Variants in GUCY2D observed in about 807,000 individuals in gnomAD.
The protein encoded by GUCY2D is guanylate cyclase 2D, retinal.
In GUCY2D, 70 loss-of-function variants were observed where a neutral mutation model predicts 101.3. The observed-to-expected ratio is 0.69, with a 90% CI of 0.57 to 0.84. The LOEUF is 0.84. Among genes scored for constraint, GUCY2D ranks in the 40% least tolerant of loss-of-function variants. The pLI is 0.00. For missense variants in GUCY2D, 1,460 were observed against 1,542.5 expected, an observed-to-expected ratio of 0.95 and a Z score of 0.90; for synonymous variants, 688 against 670.7, an observed-to-expected ratio of 1.03 and a Z score of -0.40.
chr17:8,015,137 C>T (rs891594087), intron 14 of GUCY2D, 86 bp downstream of exon 14: 1 of 1,216,994 alleles, frequency 8.2e-7, no homozygotes, highest in African/African-American at 1.5e-5. Flanking sequence ...AGCCCCTAGC[C>T]TACCTGCCCA....
Position 8,002,863 on chromosome 17 carries a change from AG to A in GUCY2D, c.-10+134del. 5 of 549,648 alleles carry A rather than the reference AG, an allele frequency of 9.1e-6. No individual in the cohort carries two copies. Among genetic ancestry groups the A allele is most frequent in the South Asian group, 2.4e-5 (1 of 42,328 alleles). 34.0% of individuals were successfully genotyped at this position (549,648 alleles called of 1,614,324 possible). The stretch of plus-strand genomic sequence containing the variant: ...GGGAGCGGGAAGCCGGGGCGGCAGA[AG>A]GGGGCTTCGGGGCGGTGTCCTTGGC... On this transcript the variant is annotated intron_variant, in intron 1 of 19. Transcript: ENST00000254854. This position sits in a 1 kb window ranked among gnomAD's most constrained non-coding sequence, Gnocchi z 4.9.
At position 8,013,013 on chromosome 17, in the gene GUCY2D, G is replaced by C; in HGVS notation, c.2114-90G>C. The C allele has an allele frequency of 8.3e-7, 1 of 1,199,782 alleles. No homozygotes were observed. Among genetic ancestry groups the C allele is most frequent in the Non-Finnish European group, 1.2e-6 (1 of 829,670 alleles). 74.3% of individuals were successfully genotyped at this position (1,199,782 alleles called of 1,614,324 possible). A position where few individuals can be genotyped will look rare whatever the true frequency, so the allele number is the denominator to read the frequency against. On this transcript the variant is annotated intron_variant, in intron 10 of 19. Coordinates refer to ENST00000254854, the MANE Select transcript of GUCY2D (RefSeq NM_000180.4). This position sits in a 1 kb window ranked among gnomAD's most constrained non-coding sequence, Gnocchi z 5.0. ...GGTCTCAGACCGGTCTCAGGCTGCA[G>C]GGTTGGTGGTGTCTGGGTGCCAACC...
intron 19 of GUCY2D, among the ~76,000 whole-genome samples, chr17:8,017,318 G>C (rs1975997338): frequency 6.6e-6 from 1 of 152,186 alleles, no homozygotes; most frequent in South Asian, 2.1e-4. Context: ...CAGGGGATGT[G>C]AGGGTCAGGG....
In GUCY2D at chr17:8,013,766, A is replaced by T; in HGVS notation, c.2264-114A>T. On this transcript the variant is annotated intron_variant, in intron 11 of 19. Transcript: ENST00000254854. The surrounding 1 kb of genome is among the most constrained non-coding windows in gnomAD (Gnocchi z 5.0). ...CACACACTGAACCTCTGATGTAAAG[A>T]AACCCCTGCCAGGCACCCCCTCCCA... 1.2e-6 allele frequency: 1 copy of T among 822,784 alleles called. No individual in the cohort carries two copies. Among genetic ancestry groups the T allele is most frequent in the Non-Finnish European group, 2.1e-6 (1 of 483,286 alleles). The allele number at this position is 822,784 out of a possible 1,614,324, so 51.0% of individuals were successfully genotyped here.
At position 8,003,760 on chromosome 17, in the gene GUCY2D, G is replaced by C. The variant is rs1324943722; in HGVS notation, c.713G>C (p.Arg238Thr). ...EALRKVRDGP[R>T]VTAVIMVMHS... ...CTGAGGAAGGTTCGGGACGGGCCCAGGGTCACAGGTAGGCTCCCTTGCAGG... is the reference window on the plus strand; with the variant it reads ...CTGAGGAAGGTTCGGGACGGGCCCACGGTCACAGGTAGGCTCCCTTGCAGG... Residue 238 changes from arginine (R) to threonine (T), a missense_variant, in exon 2 of 20, where the codon AGG becomes ACG. Arg to Thr is a moderately conservative substitution (Grantham distance 71). Around this residue, in one of 3 missense-constraint regions of GUCY2D, gnomAD observed 1,196 missense variants for 1,229.6 expected, o/e 0.97. Transcript: ENST00000254854. 6.3e-7 allele frequency: 1 copy of C among 1,599,476 alleles called. No individual in the cohort carries two copies. Among genetic ancestry groups the C allele is most frequent in the Non-Finnish European group, 8.5e-7 (1 of 1,179,696 alleles).
chr17:8,010,245 A>C (rs982400969), intron 8 of GUCY2D, among the ~76,000 whole-genome samples: 7 of 152,194 alleles, frequency 4.6e-5, no homozygotes, highest in African/African-American at 1.4e-4. Flanking sequence ...GATAGAAAAT[A>C]AAAAATGAGT....
At chr17:8,006,960 T>C in intron 4 of GUCY2D, 100 bp from the exon 5 acceptor site, 1 of 996,280 alleles carries the variant, frequency 1.0e-6, no homozygotes, top group Non-Finnish European at 1.6e-6. Context: ...TGGGCCCCCA[T>C]CCCCCTTTCC....
chr17:8,017,131 G>A (rs1975993731), intron 19 of GUCY2D, among the ~76,000 whole-genome samples: 1 of 152,194 alleles, frequency 6.6e-6, no homozygotes, highest in Non-Finnish European at 1.5e-5. Context: ...AGGATTTTGG[G>A]CCTTTTACAA....
chr17:8,010,828 G>T (rs1975838012), intron 8 of GUCY2D, among the ~76,000 whole-genome samples: 1 of 149,890 alleles, frequency 6.7e-6, no homozygotes, highest in Non-Finnish European at 1.5e-5. Flanking sequence ...AAAAAAAAAG[G>T]AAAGGAAAGA....
intron 8 of GUCY2D, among the ~76,000 whole-genome samples, chr17:8,009,873 G>A (rs1975816633): frequency 6.6e-6 from 1 of 152,058 alleles, no homozygotes; most frequent in South Asian, 2.1e-4. Context: ...CTACTCTTCA[G>A]AGGGTGAGGA....
chr17:8,014,871 G>A lies in GUCY2D; in HGVS notation c.2589G>A (p.Glu863=), dbSNP rs1567961653. 6.2e-7 allele frequency: 1 copy of A among 1,614,162 alleles called. No individual in the cohort carries two copies. Among genetic ancestry groups the A allele is most frequent in the Admixed American group, 1.7e-5 (1 of 60,022 alleles). ...CTGCCATCCCTAGGTCTGTGGCTGA[G>A]GCCTTGAAGACGGGGACACCAGTGG... is the stretch of plus-strand genomic sequence containing the variant. ...LTQMLPPSVA[E]ALKTGTPVEP... is the part of the protein sequence containing the mutation. The change falls in exon 14 of 20, where the codon GAG becomes GAA. Residue 863 remains glutamate, a synonymous_variant. Transcript: ENST00000254854. The surrounding 1 kb of genome is among the most constrained non-coding windows in gnomAD (Gnocchi z 4.0).
chr17:8,007,006 A>C, intron 4 of GUCY2D, 54 bp from the exon 5 acceptor site: 1 of 1,400,932 alleles, frequency 7.1e-7, no homozygotes, highest in African/African-American at 1.4e-5. Context: ...TCCCTAGAGA[A>C]GAGGCCTCCC....
intron 7 of GUCY2D, 107 bp from the exon 8 acceptor site, chr17:8,009,399 G>A: frequency 1.2e-6 from 1 of 801,190 alleles, no homozygotes; most frequent in Non-Finnish European, 2.3e-6. Context: ...CATGGAAGAT[G>A]CATTCTGGGA....
In GUCY2D at chr17:8,015,719, C is replaced by T. The variant is rs772165419; in HGVS notation, c.2945-24C>T. On this transcript the variant is annotated intron_variant, in intron 15 of 19. Coordinates refer to ENST00000254854, the MANE Select transcript of GUCY2D (RefSeq NM_000180.4). ...AGCCCAGGGCCGGCCCTGCTAGCCCCGCCGACCCCCAGCATCTCCACAGGT... is the reference window on the plus strand; with the variant it reads ...AGCCCAGGGCCGGCCCTGCTAGCCCTGCCGACCCCCAGCATCTCCACAGGT... The T allele has an allele frequency of 2.6e-6, 4 of 1,556,430 alleles. No individual in the cohort carries two copies. In the South Asian group the frequency reaches 3.5e-5, roughly 14 times the overall value.
At position 8,003,419 on chromosome 17, in the gene GUCY2D, C is replaced by T. The variant is rs1436426669; in HGVS notation, c.372C>T (p.Leu124=). ...CCGCGCTGGCCCGCGTGTCGGGCCT[C>T]GTGGGTCCGGTGAACCCTGCGGCCT... is the stretch of plus-strand genomic sequence containing the variant. ...VSSALARVSG[L]VGPVNPAACR... The change falls in exon 2 of 20, where the codon CTC becomes CTT. Residue 124 remains leucine, a synonymous_variant. Coordinates refer to ENST00000254854, the MANE Select transcript of GUCY2D (RefSeq NM_000180.4). 2.7e-6 allele frequency: 4 copies of T among 1,504,984 alleles called. No individual in the cohort carries two copies. The highest frequency in any genetic ancestry group is 1.2e-5 in the South Asian group (1 of 81,508). 93.2% of individuals were successfully genotyped at this position (1,504,984 alleles called of 1,614,324 possible). A position where few individuals can be genotyped will look rare whatever the true frequency, so the allele number is the denominator to read the frequency against.
rs868564393 is a variant in GUCY2D, at chr17:8,015,542, C to T, written c.2944+40C>T. The T allele has an allele frequency of 1.3e-6, 2 of 1,564,534 alleles. 1 individual carries two copies. The highest frequency in any genetic ancestry group is 4.5e-4 in the Middle Eastern group (2 of 4,406). ...TTCCCAGGCTCCAGCCCATCTCCCT[C>T]TTTAGGGCCTGGCCCCAGATTTCCT... is the stretch of plus-strand genomic sequence containing the variant. On this transcript the variant is annotated intron_variant, in intron 15 of 19. Transcript: ENST00000254854.
chr17:8,015,705 G>C, intron 15 of GUCY2D, 38 bp from the exon 16 acceptor site: 1 of 1,481,664 alleles, frequency 6.7e-7, no homozygotes. Context: ...GCCCAGGGCC[G>C]GCCCTGCTAG....
At chr17:8,007,328 C>T in intron 5 of GUCY2D, 98 bp from the exon 6 acceptor site, 1 of 962,188 alleles carries the variant, frequency 1.0e-6, no homozygotes, top group Non-Finnish European at 1.7e-6. Context: ...CTCCAGGACC[C>T]CTCCCCTGAG....
At chr17:8,009,423 G>A (rs547867709) in intron 7 of GUCY2D, 83 bp from the exon 8 acceptor site, 1 of 879,004 alleles carries the variant, frequency 1.1e-6, no homozygotes, top group East Asian at 2.4e-5. Context: ...TGAGCCAATG[G>A]AAATGAGGGG....
Sources: gnomAD v4.1 joint callset for allele counts (sites outside exome capture counted in the v4.1 genomes callset) on GRCh38, gnomAD v4.1.1 for gene constraint, gnomAD v4.1.1 regional missense constraint, Gnocchi (gnomAD v3.1) non-coding constraint, MANE v1.5 for transcripts, NCBI Gene and HGNC (gene_info 2026-07-23, HGNC 2026-07-21) for gene names.